The following UNC13B variants were observed in gnomAD, a reference collection of about 807,000 sequenced individuals.
UNC13B encodes protein unc-13 homolog B.
In UNC13B, 144 loss-of-function variants were observed where a neutral mutation model predicts 211.0. The ratio of observed to expected loss-of-function variants is 0.68; its 90% CI spans 0.60 to 0.78. UNC13B has a LOEUF of 0.78. Among genes scored for constraint, UNC13B ranks in the 30% least tolerant of loss-of-function variants. The pLI is 0.00. For missense variants in UNC13B, 1,777 were observed against 2,002.0 expected (o/e 0.89, Z 2.14); for synonymous variants, 709 against 725.8 (o/e 0.98, Z 0.37).
intron 11 of UNC13B, chr9:35,342,344 G>C: frequency 1.0e-6 from 1 of 985,710 alleles, no homozygotes; most frequent in South Asian, 4.7e-5. Flanking sequence ...GCAGCAGCAA[G>C]GTAAGTGGTA....
intron 7 of UNC13B, among the ~76,000 whole-genome samples, chr9:35,273,061 A>C (rs187070321): frequency 5.3e-4 from 81 of 152,362 alleles, no homozygotes; most frequent in African/African-American, 1.9e-3. Context: ...TATACAAATC[A>C]TAAACCAAAA....
At chr9:35,338,762 G>A (rs1316361680) in intron 11 of UNC13B, among the ~76,000 whole-genome samples, 1 of 152,196 alleles carries the variant, frequency 6.6e-6, no homozygotes, top group Non-Finnish European at 1.5e-5. Context: ...GGACAATAAG[G>A]TAAGCACCTG....
chr9:35,351,248 T>A (rs1832700910), intron 11 of UNC13B: 1 of 1,091,724 alleles, frequency 9.2e-7, no homozygotes, highest in African/African-American at 1.6e-5. Flanking sequence ...ACTAAAATCA[T>A]CCTGCTACTT....
At chr9:35,384,431 C>T in intron 22 of UNC13B, 117 bp downstream of exon 22, 1 of 1,476,498 alleles carries the variant, frequency 6.8e-7, no homozygotes, top group East Asian at 2.3e-5. Flanking sequence ...TGTGTCATCA[C>T]ATCCACCCAA....
rs762376269 is a variant in UNC13B, at chr9:35,403,934, G to A, written c.12924G>A (p.Leu4308=). Residue 4308 remains leucine, a synonymous_variant, in exon 40 of 40, where the codon CTG becomes CTA. Transcript: ENST00000635942. ...GRKIHMDETG[L]TILRILSQRS... ...AGATCCATATGGATGAGACAGGCCT[G>A]ACCATTCTCCGGATTTTATCTCAGA... 34 of 1,614,016 alleles carry A rather than the reference G, an allele frequency of 2.1e-5. No individual in the cohort carries two copies. Among genetic ancestry groups the A allele is most frequent in the Non-Finnish European group, 2.6e-5 (31 of 1,180,038 alleles).
At chr9:35,261,170 G>C (rs1396800629) in intron 7 of UNC13B, among the ~76,000 whole-genome samples, 1 of 151,752 alleles carries the variant, frequency 6.6e-6, no homozygotes, top group South Asian at 2.1e-4. Flanking sequence ...CATTTTGCCA[G>C]ATTTGCTCTT....
At chr9:35,198,960 G>A (rs986259383) in intron 1 of UNC13B, among the ~76,000 whole-genome samples, 3 of 152,056 alleles carry the variant, frequency 2.0e-5, no homozygotes, top group South Asian at 2.1e-4. Context: ...TGCTGCGCCC[G>A]TTAACTCATC....
chr9:35,266,698 CAGTA>C (rs1564103260), intron 7 of UNC13B, among the ~76,000 whole-genome samples: 1 of 152,304 alleles, frequency 6.6e-6, no homozygotes, highest in East Asian at 1.9e-4. Context: ...TTTTAGCATT[CAGTA>C]ACAACATTCT....
chr9:35,247,426 T>G (rs1826172048), intron 6 of UNC13B, among the ~76,000 whole-genome samples: 1 of 152,184 alleles, frequency 6.6e-6, no homozygotes, highest in Non-Finnish European at 1.5e-5. Context: ...ATCCCTGTCT[T>G]GTGCCAGTTT....
intron 11 of UNC13B, among the ~76,000 whole-genome samples, chr9:35,325,938 C>T (rs952894242): frequency 6.6e-6 from 1 of 152,210 alleles, no homozygotes; most frequent in Non-Finnish European, 1.5e-5. Context: ...TGTGAACATT[C>T]ATGTACAAGT....
At chr9:35,256,220 G>C (rs1826871706) in intron 6 of UNC13B, among the ~76,000 whole-genome samples, 1 of 152,064 alleles carries the variant, frequency 6.6e-6, no homozygotes, top group South Asian at 2.1e-4. Flanking sequence ...TTTTTACCTT[G>C]AGTCTTTTTT....
chr9:35,308,948 C>T (rs982916408), intron 9 of UNC13B, among the ~76,000 whole-genome samples: 1 of 152,134 alleles, frequency 6.6e-6, no homozygotes, highest in Non-Finnish European at 1.5e-5. Context: ...TCTGTATTCC[C>T]ATATCCTATT....
At chr9:35,204,317 G>C (rs777562500) in intron 1 of UNC13B, among the ~76,000 whole-genome samples, 5 of 152,244 alleles carry the variant, frequency 3.3e-5, no homozygotes, top group Non-Finnish European at 7.3e-5. Flanking sequence ...CTAGTGCAGT[G>C]CAGAGGGGAA....
intron 1 of UNC13B, among the ~76,000 whole-genome samples, chr9:35,198,296 A>AT (rs1407868871): frequency 2.0e-5 from 3 of 151,960 alleles, no homozygotes; most frequent in Non-Finnish European, 2.9e-5. Context: ...TTGAGATGTG[A>AT]TTTTTTTAAG....
intron 10 of UNC13B, among the ~76,000 whole-genome samples, chr9:35,313,034 C>T (rs1346920496): frequency 6.6e-6 from 1 of 152,098 alleles, no homozygotes; most frequent in African/African-American, 2.4e-5. Flanking sequence ...GGATGCTATG[C>T]AAAAGCCCCA....
At chr9:35,242,901 T>G (rs1825886156) in intron 5 of UNC13B, among the ~76,000 whole-genome samples, 1 of 152,204 alleles carries the variant, frequency 6.6e-6, no homozygotes, top group Admixed American at 6.5e-5. Flanking sequence ...CATATAACTT[T>G]TCTTTTAAGC....
rs769182039 is a variant in UNC13B at position 35,396,443 on chromosome 9, G to A, written c.11309-33G>A. 25 of 1,613,394 alleles carry A rather than the reference G, an allele frequency of 1.5e-5. No individual in the cohort carries two copies. The South Asian group carries it at 2.6e-4, about 17-fold the overall frequency. ...CTCAGGAACCATGGCCTCTACTGCT[G>A]GGACCTGACCCAACCTTTCTCCCTA... is the stretch of plus-strand genomic sequence containing the variant. On this transcript the variant is annotated intron_variant, in intron 26 of 39. Transcript: ENST00000635942.
chr9:35,357,133 T>G (rs767518189), intron 11 of UNC13B, among the ~76,000 whole-genome samples: 3 of 152,262 alleles, frequency 2.0e-5, no homozygotes, highest in Admixed American at 2.0e-4. Flanking sequence ...ATGGTAATTC[T>G]GTTTACCATT....
In UNC13B at chr9:35,204,145, G is replaced by A. The variant is rs564543658; in HGVS notation, c.23-23870G>A. Among the ~76,000 whole-genome samples the A allele has an allele frequency of 3.9e-5, 6 of 152,366 alleles. No individual in the cohort carries two copies. In the East Asian group the frequency reaches 1.2e-3, roughly 29 times the overall value. On this transcript the variant is annotated intron_variant, in intron 1 of 39. Transcript: ENST00000635942. Reference sequence around the variant, plus strand: ...GCTGCTGCTTCAGAGAGTGTAAACTGTAAGCCTTGGTGGTTTACACTTGGT... The same window carrying A: ...GCTGCTGCTTCAGAGAGTGTAAACTATAAGCCTTGGTGGTTTACACTTGGT...
Sources: gnomAD v4.1 joint callset for allele counts (sites outside exome capture counted in the v4.1 genomes callset) on GRCh38, gnomAD v4.1.1 for gene constraint, MANE v1.5 for transcripts, NCBI Gene and HGNC (gene_info 2026-07-23, HGNC 2026-07-21) for gene names.